The following LRIF1 variants were observed in gnomAD, a reference collection of about 807,000 sequenced individuals.
The protein encoded by LRIF1 is ligand dependent nuclear receptor interacting factor 1.
In LRIF1, 32 loss-of-function variants were observed where a neutral mutation model predicts 52.7. That is an observed-to-expected ratio of 0.61 (90% confidence interval 0.46 to 0.82). The LOEUF is 0.82. Ranked by LOEUF, LRIF1 falls within the 40% of genes least tolerant of loss-of-function variation. The pLI is 0.00. For missense variants in LRIF1, 887 were observed against 892.0 expected (o/e 0.99, Z 0.07); for synonymous variants, 323 against 317.4 (o/e 1.02, Z -0.19).
Position 110,951,504 on chromosome 1 carries a change from GT to G in LRIF1, c.1379del (p.Asn460ThrfsTer7). The G allele has an allele frequency of 6.2e-7, 1 of 1,614,086 alleles. No individual in the cohort carries two copies. Among genetic ancestry groups the G allele is most frequent in the Non-Finnish European group, 8.5e-7 (1 of 1,180,000 alleles). ...PSPSTTNPHM[N>X]QSSNYLKQSK... ...TCTGTTTTAAGTAGTTACTGGATTG[GT>G]TCATATGTGGATTTGTGGTAGAAGG... On this transcript the variant is annotated frameshift_variant, in exon 2 of 4. Coordinates refer to ENST00000369763, the MANE Select transcript of LRIF1 (RefSeq NM_018372.4). LOFTEE classifies it high-confidence loss of function.
At chr1:110,944,367 T>C (rs1023362462), downstream of LRIF1, 3 of 152,190 alleles carry the variant, frequency 2.0e-5, no homozygotes, top group African/African-American at 7.2e-5. Context: ...AGGTTTGAGA[T>C]GTCTATTTAG....
chr1:110,950,354 ATAAG>A (rs1390673478), intron 2 of LRIF1, among the ~76,000 whole-genome samples: 2 of 152,232 alleles, frequency 1.3e-5, no homozygotes, highest in Non-Finnish European at 1.5e-5. Flanking sequence ...TAGAAAGGTA[ATAAG>A]TAGTCAATTC....
the LRIF1 span, among the ~76,000 whole-genome samples, chr1:110,912,454 CA>C: frequency 6.6e-6 from 1 of 152,138 alleles, no homozygotes; most frequent in African/African-American, 2.4e-5. Flanking sequence ...TCAGGTAATC[CA>C]CTTGCCTCAG....
the LRIF1 span, among the ~76,000 whole-genome samples, chr1:110,932,796 T>A: frequency 6.6e-6 from 1 of 152,224 alleles, no homozygotes; most frequent in East Asian, 1.9e-4. Context: ...TGGTGAATCT[T>A]GTCTGCAGCT....
At chr1:110,901,611 G>A in the LRIF1 span, among the ~76,000 whole-genome samples, 1 of 151,634 alleles carries the variant, frequency 6.6e-6, no homozygotes, top group Non-Finnish European at 1.5e-5. Context: ...GAGTAGCTGG[G>A]ATTACAGGTG....
chr1:110,909,884 G>T, the LRIF1 span, among the ~76,000 whole-genome samples: 424 of 151,972 alleles, frequency 2.8e-3, 1 homozygote, highest in African/African-American at 9.9e-3. Context: ...CCCAGCTGGG[G>T]TAGCTATTCT....
the LRIF1 span, among the ~76,000 whole-genome samples, chr1:110,877,638 T>C: frequency 6.6e-6 from 1 of 152,228 alleles, no homozygotes; most frequent in Non-Finnish European, 1.5e-5. Flanking sequence ...TTCTTCCTTA[T>C]TTCTCTCTTC....
At position 110,951,572 on chromosome 1, in the gene LRIF1, C is replaced by T. The variant is rs2232041; in HGVS notation, c.1312G>A (p.Ala438Thr). 0.23 allele frequency: 379,197 copies of T among 1,613,798 alleles called. 46,838 individuals carry two copies. Among genetic ancestry groups the T allele is most frequent in the Non-Finnish European group, 0.26 (302,146 of 1,179,904 alleles). The change falls in exon 2 of 4, where the codon GCC becomes ACC. Residue 438 changes from alanine (A) to threonine (T), a missense_variant. By Grantham distance (58) the Ala-to-Thr change is moderately conservative (BLOSUM62 0). Transcript: ENST00000369763. ...SLSNTQLASM[A>T]NLRAEKNKVE... Reference sequence around the variant, plus strand: ...TTATTCTTCTCTGCCCTTAGATTGGCCATGGAAGCAAGCTGGGTATTGGAA... The same window carrying T: ...TTATTCTTCTCTGCCCTTAGATTGGTCATGGAAGCAAGCTGGGTATTGGAA...
At chr1:110,898,606 T>C in the LRIF1 span, among the ~76,000 whole-genome samples, 1 of 152,142 alleles carries the variant, frequency 6.6e-6, no homozygotes, top group South Asian at 2.1e-4. Context: ...TCTTTGTTTC[T>C]GTGCTTAGTT....
intron 3 of LRIF1, among the ~76,000 whole-genome samples, chr1:110,949,540 C>T (rs1176840875): frequency 6.6e-6 from 1 of 151,600 alleles, no homozygotes; most frequent in African/African-American, 2.4e-5. Flanking sequence ...CTGCCTCAGC[C>T]TCCTGAGTAG....
intron 1 of LRIF1, among the ~76,000 whole-genome samples, chr1:110,956,642 A>G (rs1323926114): frequency 6.6e-6 from 1 of 152,208 alleles, no homozygotes; most frequent in East Asian, 1.9e-4. Flanking sequence ...CTACAAAAGT[A>G]GATAGGTGCA....
rs778974214 is a variant in LRIF1 at position 110,949,863 on chromosome 1, T to A, written c.1857A>T (p.Gly619=). Residue 619 remains glycine (G), a synonymous_variant, in exon 3 of 4, where the codon GGA becomes GGT. Coordinates refer to ENST00000369763, the MANE Select transcript of LRIF1 (RefSeq NM_018372.4). ...ATGTATTACCTACCTGTTTTCTCTC[T>A]CCTTCCTTCACCATAAACTCTGTCT... ...YKETEFMVKE[G]ERKQQNFDKK... 1.2e-6 allele frequency: 2 copies of A among 1,613,686 alleles called. No individual in the cohort carries two copies. The highest frequency in any genetic ancestry group is 1.1e-5 in the South Asian group (1 of 91,038).
At chr1:110,945,364 A>T (rs984823425), downstream of LRIF1, among the ~76,000 whole-genome samples, 1 of 151,912 alleles carries the variant, frequency 6.6e-6, no homozygotes, top group Non-Finnish European at 1.5e-5. Context: ...TTCAATTTTT[A>T]ATATTTCACT....
chr1:110,960,049 C>A (rs548334779), intron 1 of LRIF1, among the ~76,000 whole-genome samples: 1 of 151,826 alleles, frequency 6.6e-6, no homozygotes, highest in South Asian at 2.1e-4. Context: ...CCATGTATTG[C>A]GTACATGATA....
intron 1 of LRIF1, among the ~76,000 whole-genome samples, chr1:110,958,411 TTA>T (rs1658800823): frequency 6.6e-6 from 1 of 152,044 alleles, no homozygotes; most frequent in Non-Finnish European, 1.5e-5. Context: ...ATGTTGGAAA[TTA>T]TATAATGCTT....
chr1:110,928,270 T>C, the LRIF1 span, among the ~76,000 whole-genome samples: 3 of 152,216 alleles, frequency 2.0e-5, no homozygotes, highest in Non-Finnish European at 4.4e-5. Context: ...TGAATAGTAA[T>C]GTTCCTAGCC....
At chr1:110,944,874 A>G (rs947285149), downstream of LRIF1, 1 of 151,752 alleles carries the variant, frequency 6.6e-6, no homozygotes, top group South Asian at 2.1e-4. Flanking sequence ...GAAAACACTG[A>G]AAGGGAAAGC....
At chr1:110,891,308 A>G in the LRIF1 span, 3 of 948,844 alleles carry the variant, frequency 3.2e-6, no homozygotes, top group Admixed American at 5.2e-5. Context: ...AGGTAATGCT[A>G]GAGATCCCTG....
At chr1:110,913,769 G>A in the LRIF1 span, among the ~76,000 whole-genome samples, 2 of 152,118 alleles carry the variant, frequency 1.3e-5, no homozygotes, top group Admixed American at 6.6e-5. Context: ...AGTACCATTC[G>A]ACCCAGCAAT....
Sources: gnomAD v4.1 joint callset for allele counts (sites outside exome capture counted in the v4.1 genomes callset) on GRCh38, gnomAD v4.1.1 for gene constraint, MANE v1.5 for transcripts, NCBI Gene and HGNC (gene_info 2026-07-23, HGNC 2026-07-21) for gene names.